The following KCNQ5 variants were observed in gnomAD, a reference collection of about 807,000 sequenced individuals.
The protein encoded by KCNQ5 is potassium voltage-gated channel subfamily Q member 5.
In KCNQ5, 30 loss-of-function variants were observed where a neutral mutation model predicts 98.2. The observed-to-expected ratio is 0.31, with a 90% CI of 0.23 to 0.41. The LOEUF is 0.41. Among genes scored for constraint, KCNQ5 ranks in the 10% least tolerant of loss-of-function variants. The pLI, the probability that KCNQ5 is intolerant of heterozygous loss-of-function variation, is 1.00. For missense variants in KCNQ5, 835 were observed against 1,182.5 expected (o/e 0.71, Z 4.31); for synonymous variants, 458 against 449.4 (o/e 1.02, Z -0.24).
chr6:72,928,872 C>T (rs1002317080), intron 1 of KCNQ5, among the ~76,000 whole-genome samples: 2 of 152,092 alleles, frequency 1.3e-5, no homozygotes, highest in African/African-American at 2.4e-5. Context: ...ATTCTTCACT[C>T]AACCACCCAG....
intron 10 of KCNQ5, among the ~76,000 whole-genome samples, chr6:73,144,200 A>T (rs1373215485): frequency 6.6e-6 from 1 of 152,138 alleles, no homozygotes; most frequent in African/African-American, 2.4e-5. Flanking sequence ...GCTTTTTGCT[A>T]CCTGCAGTAT....
chr6:72,710,838 A>T (rs1582151793), intron 1 of KCNQ5, among the ~76,000 whole-genome samples: 1 of 152,198 alleles, frequency 6.6e-6, no homozygotes, highest in East Asian at 1.9e-4. Flanking sequence ...TTTGGGCCAA[A>T]TGGACCTAAC....
chr6:73,092,221 T>G (rs1055270890), intron 5 of KCNQ5, among the ~76,000 whole-genome samples: 1 of 152,174 alleles, frequency 6.6e-6, no homozygotes. Context: ...TTTGTGTATG[T>G]GAATTTTATA....
intron 1 of KCNQ5, among the ~76,000 whole-genome samples, chr6:72,851,144 T>C (rs1182883811): frequency 6.6e-6 from 1 of 152,202 alleles, no homozygotes; most frequent in Non-Finnish European, 1.5e-5. Context: ...ATGGTATTGT[T>C]ATAACCTTTT....
At chr6:73,168,461 G>A (rs1777884276) in intron 10 of KCNQ5, among the ~76,000 whole-genome samples, 2 of 152,156 alleles carry the variant, frequency 1.3e-5, no homozygotes, top group South Asian at 4.1e-4. Flanking sequence ...CCAGCACTTA[G>A]GGAGGCCAAG....
intron 1 of KCNQ5, among the ~76,000 whole-genome samples, chr6:72,977,451 T>A (rs1384127244): frequency 1.3e-5 from 2 of 152,126 alleles, no homozygotes; most frequent in Non-Finnish European, 2.9e-5. Context: ...CTTGTGAGGA[T>A]CTTAAAAGCC....
intron 2 of KCNQ5, among the ~76,000 whole-genome samples, chr6:73,034,782 T>C (rs1425800978): frequency 2.0e-5 from 3 of 152,022 alleles, no homozygotes; most frequent in African/African-American, 7.2e-5. Context: ...TATGGATTGG[T>C]ATTCTCAATA....
chr6:73,172,949 T>A (rs1778065999), intron 11 of KCNQ5, among the ~76,000 whole-genome samples: 1 of 152,322 alleles, frequency 6.6e-6, no homozygotes, highest in East Asian at 1.9e-4. Flanking sequence ...GAGTTCTTAT[T>A]TTCAGTTATC....
At chr6:72,889,500 T>C (rs575815563) in intron 1 of KCNQ5, among the ~76,000 whole-genome samples, 1 of 152,232 alleles carries the variant, frequency 6.6e-6, no homozygotes, top group African/African-American at 2.4e-5. Context: ...TTATTGAAGG[T>C]ATAAAATGAA....
chr6:72,798,003 A>G (rs147607846), intron 1 of KCNQ5, among the ~76,000 whole-genome samples: 49 of 152,294 alleles, frequency 3.2e-4, no homozygotes, highest in Middle Eastern at 3.4e-3. Flanking sequence ...CTTTTTAAGG[A>G]ATTTATGGCC....
chr6:72,958,634 C>T (rs1767197708), intron 1 of KCNQ5, among the ~76,000 whole-genome samples: 1 of 152,086 alleles, frequency 6.6e-6, no homozygotes. Flanking sequence ...ATATGAAAAC[C>T]ATATGAGGCC....
intron 1 of KCNQ5, among the ~76,000 whole-genome samples, chr6:72,895,588 T>A (rs1189533669): frequency 6.6e-6 from 1 of 150,842 alleles, no homozygotes; most frequent in Non-Finnish European, 1.5e-5. Context: ...CATTACCGTG[T>A]ACAGTGTAAT....
chr6:72,867,961 C>A (rs536937092), intron 1 of KCNQ5, among the ~76,000 whole-genome samples: 85 of 151,102 alleles, frequency 5.6e-4, no homozygotes, highest in East Asian at 2.9e-3. Flanking sequence ...ACTACTACTA[C>A]TACTACTACT....
At chr6:73,120,602 A>G (rs770231936) in intron 8 of KCNQ5, 25 bp downstream of exon 8, 73 of 1,489,816 alleles carry the variant, frequency 4.9e-5, no homozygotes, top group Non-Finnish European at 6.2e-5. Flanking sequence ...GACAGCTGCC[A>G]CTGTAGTTGA....
intron 3 of KCNQ5, among the ~76,000 whole-genome samples, chr6:73,072,649 CTT>C (rs1773349093): frequency 1.3e-5 from 2 of 152,280 alleles, no homozygotes; most frequent in East Asian, 3.9e-4. Context: ...CCTTATGTGT[CTT>C]AAATATCATT....
chr6:72,772,910 C>A (rs1048621345), intron 1 of KCNQ5, among the ~76,000 whole-genome samples: 1 of 152,130 alleles, frequency 6.6e-6, no homozygotes, highest in Non-Finnish European at 1.5e-5. Flanking sequence ...ACCTACCACA[C>A]CTGAATTGCA....
intron 1 of KCNQ5, among the ~76,000 whole-genome samples, chr6:72,795,000 TGTTAA>T (rs1774253778): frequency 6.6e-6 from 1 of 152,210 alleles, no homozygotes; most frequent in Admixed American, 6.5e-5. Flanking sequence ...AATTGAATTT[TGTTAA>T]GTTGTCTATC....
chr6:73,177,768 C>T (rs1778269627), intron 11 of KCNQ5, among the ~76,000 whole-genome samples: 1 of 152,204 alleles, frequency 6.6e-6, no homozygotes, highest in Non-Finnish European at 1.5e-5. Flanking sequence ...TGACATGTTA[C>T]AGTAAAGGAC....
intron 1 of KCNQ5, among the ~76,000 whole-genome samples, chr6:72,669,076 C>G (rs575381995): frequency 7.9e-5 from 12 of 152,210 alleles, no homozygotes; most frequent in Non-Finnish European, 1.6e-4. Context: ...TCATTCCATC[C>G]TATCGCCCCA....
Sources: gnomAD v4.1 joint callset for allele counts (sites outside exome capture counted in the v4.1 genomes callset) on GRCh38, gnomAD v4.1.1 for gene constraint, MANE v1.5 for transcripts, NCBI Gene and HGNC (gene_info 2026-07-23, HGNC 2026-07-21) for gene names.